The following UNC13C variants were observed in gnomAD, a reference collection of about 807,000 sequenced individuals.
UNC13C encodes protein unc-13 homolog C.
UNC13C carries 174 observed loss-of-function variants against 245.4 expected under a neutral mutation model. That is an observed-to-expected ratio of 0.71 (90% CI 0.63 to 0.80). The LOEUF (loss-of-function observed/expected upper bound fraction) is 0.80. Ranked by LOEUF, UNC13C falls within the 30% of genes least tolerant of loss-of-function variation. UNC13C has a pLI of 0.00. For synonymous variants in UNC13C, 992 were observed against 895.1 expected, an observed-to-expected ratio of 1.11 and a Z score of -1.93; for missense variants, 2,829 against 2,602.9, an observed-to-expected ratio of 1.09 and a Z score of -1.89.
In UNC13C at chr15:54,493,566, T is replaced by C. The variant is rs565732851; in HGVS notation, c.4934-1042T>C. On this transcript the variant is annotated intron_variant, in intron 19 of 32. Transcript: ENST00000260323. The stretch of plus-strand genomic sequence containing the variant: ...AGCAGGGATGCCTTTAATTTGTTTA[T>C]AACAACCTAATTCTTCAAATAGTGT... Among the ~76,000 whole-genome samples, 10 of 152,244 alleles carry C rather than the reference T, an allele frequency of 6.6e-5. 1 individual carries two copies. The highest frequency in any genetic ancestry group is 3.4e-3 in the Middle Eastern group (1 of 294).
chr15:53,916,957 A>C, the UNC13C span, among the ~76,000 whole-genome samples: 1 of 152,192 alleles, frequency 6.6e-6, no homozygotes, highest in Non-Finnish European at 1.5e-5. Flanking sequence ...ACAATGTTAC[A>C]GGTTCTTTGA....
the UNC13C span, chr15:53,913,905 C>T: frequency 1.3e-5 from 2 of 152,356 alleles, no homozygotes; most frequent in Middle Eastern, 3.4e-3. Context: ...TGGGTTAAAA[C>T]CAGGTGTAGG....
intron 17 of UNC13C, among the ~76,000 whole-genome samples, chr15:54,357,092 GT>G (rs1337389307): frequency 6.6e-6 from 1 of 151,600 alleles, no homozygotes; most frequent in African/African-American, 2.4e-5. Context: ...CAGCTTATAG[GT>G]TTTATGTTAT....
At chr15:53,919,269 G>A in the UNC13C span, among the ~76,000 whole-genome samples, 3 of 152,170 alleles carry the variant, frequency 2.0e-5, no homozygotes, top group African/African-American at 2.4e-5. Context: ...CTAATCCGTA[G>A]GGTTGTTGTG....
intron 19 of UNC13C, among the ~76,000 whole-genome samples, chr15:54,477,163 C>T (rs2141054502): frequency 8.6e-6 from 1 of 116,952 alleles, no homozygotes; most frequent in Middle Eastern, 3.8e-3. Context: ...GATTTTGTAT[C>T]CTGAGACTTT....
At chr15:54,292,510 A>T (rs575866951) in intron 10 of UNC13C, among the ~76,000 whole-genome samples, 1 of 151,980 alleles carries the variant, frequency 6.6e-6, no homozygotes, top group South Asian at 2.1e-4. Context: ...TTCAAATATT[A>T]TTCTTGTATG....
intron 19 of UNC13C, among the ~76,000 whole-genome samples, chr15:54,424,349 G>A (rs2040714236): frequency 6.6e-6 from 1 of 151,854 alleles, no homozygotes; most frequent in African/African-American, 2.4e-5. Flanking sequence ...CATGAAATCA[G>A]CTTTCTAGAA....
intron 4 of UNC13C, among the ~76,000 whole-genome samples, chr15:54,167,214 G>A (rs1265711205): frequency 2.6e-5 from 4 of 152,036 alleles, no homozygotes; most frequent in Non-Finnish European, 5.9e-5. Context: ...AATAGGAAAA[G>A]AGACGGGGCC....
chr15:54,152,117 G>A (rs763399746), intron 4 of UNC13C, among the ~76,000 whole-genome samples: 6 of 152,118 alleles, frequency 3.9e-5, no homozygotes, highest in Admixed American at 6.6e-5. Context: ...AGAAAACTAA[G>A]GCCATCAACA....
chr15:54,219,860 G>C (rs2140778480), intron 4 of UNC13C, among the ~76,000 whole-genome samples: 1 of 151,860 alleles, frequency 6.6e-6, no homozygotes, highest in East Asian at 1.9e-4. Context: ...CATCATCACT[G>C]GCCATCAGAG....
chr15:54,583,024 A>G (rs1898276144), intron 30 of UNC13C, among the ~76,000 whole-genome samples: 1 of 152,052 alleles, frequency 6.6e-6, no homozygotes, highest in Admixed American at 6.6e-5. Flanking sequence ...TTACACTCAG[A>G]GTTTCTTATT....
upstream of UNC13C, among the ~76,000 whole-genome samples, chr15:53,978,388 C>A (rs1344774190): frequency 6.6e-6 from 1 of 152,068 alleles, no homozygotes; most frequent in South Asian, 2.1e-4. Context: ...GGAGAGGGAG[C>A]CCGGGCGCTC....
At chr15:54,061,074 A>G (rs1325898416) in intron 2 of UNC13C, among the ~76,000 whole-genome samples, 1 of 152,120 alleles carries the variant, frequency 6.6e-6, no homozygotes, top group African/African-American at 2.4e-5. Context: ...ATATGTAACA[A>G]ACGTGCACGT....
At chr15:54,631,818 T>A (rs1203792767), downstream of UNC13C, 1 of 152,208 alleles carries the variant, frequency 6.6e-6, no homozygotes, top group Non-Finnish European at 1.5e-5. Flanking sequence ...GGATTTTGTG[T>A]ATACTTGTTT....
At chr15:53,985,136 C>A (rs1894079745) in intron 1 of UNC13C, among the ~76,000 whole-genome samples, 1 of 151,812 alleles carries the variant, frequency 6.6e-6, no homozygotes, top group Non-Finnish European at 1.5e-5. Context: ...TGTGTTGTTC[C>A]CCTCTCTGTG....
intron 13 of UNC13C, among the ~76,000 whole-genome samples, chr15:54,304,853 A>G (rs1421856121): frequency 6.6e-6 from 1 of 152,012 alleles, no homozygotes; most frequent in Non-Finnish European, 1.5e-5. Flanking sequence ...TACAATCTCT[A>G]TTGTACCAAT....
At chr15:54,422,691 C>G (rs2040673315) in intron 19 of UNC13C, among the ~76,000 whole-genome samples, 1 of 151,840 alleles carries the variant, frequency 6.6e-6, no homozygotes, top group African/African-American at 2.4e-5. Flanking sequence ...TAGAGGGCTC[C>G]TTTCCATTCT....
At chr15:54,347,244 G>A (rs1326949927) in intron 17 of UNC13C, among the ~76,000 whole-genome samples, 1 of 152,110 alleles carries the variant, frequency 6.6e-6, no homozygotes, top group East Asian at 1.9e-4. Flanking sequence ...AAACCACTCA[G>A]CGAAAGAACT....
chr15:54,453,396 C>A (rs993969680), intron 19 of UNC13C, among the ~76,000 whole-genome samples: 18 of 152,310 alleles, frequency 1.2e-4, no homozygotes, highest in African/African-American at 3.8e-4. Context: ...CTATTGAAAG[C>A]ATGACTACCA....
Sources: gnomAD v4.1 joint callset for allele counts (sites outside exome capture counted in the v4.1 genomes callset) on GRCh38, gnomAD v4.1.1 for gene constraint, MANE v1.5 for transcripts, NCBI Gene and HGNC (gene_info 2026-07-23, HGNC 2026-07-21) for gene names.